Variants in MAOB observed in about 807,000 individuals in gnomAD.
The protein encoded by MAOB is amine oxidase [flavin-containing] B.
In MAOB, 15 loss-of-function variants were observed where a neutral mutation model predicts 41.9. The ratio of observed to expected loss-of-function variants is 0.36; its 90% confidence interval spans 0.24 to 0.55. MAOB has a LOEUF of 0.55. MAOB is among the 20% of genes least tolerant of loss of function. MAOB has a pLI of 0.86. For missense variants in MAOB, 345 were observed against 398.7 expected, an observed-to-expected ratio of 0.87 and a Z score of 1.15; for synonymous variants, 167 against 144.2, an observed-to-expected ratio of 1.16 and a Z score of -1.13.
chrX:43,853,132 G>T (rs1179614051), intron 1 of MAOB, among the ~76,000 whole-genome samples: 10 of 109,406 alleles, frequency 9.1e-5, no homozygotes, highest in African/African-American at 3.0e-4. Flanking sequence ...GCCAGGCGTG[G>T]TGGCAAGTGC....
chrX:43,791,506 C>T (rs182785718), intron 8 of MAOB, among the ~76,000 whole-genome samples: 78 of 111,707 alleles, frequency 7.0e-4, no homozygotes, highest in African/African-American at 2.2e-3. Context: ...GCCTGTAATC[C>T]CAGCACTTTG....
intron 8 of MAOB, among the ~76,000 whole-genome samples, chrX:43,788,437 C>T (rs890048922): frequency 1.8e-5 from 2 of 112,002 alleles, no homozygotes; most frequent in Non-Finnish European, 3.8e-5. Flanking sequence ...AAAAATTTCA[C>T]AGGTCTACCC....
chrX:43,802,250 G>A lies in MAOB; in HGVS notation c.398C>T (p.Ala133Val). 8.4e-7 allele frequency: 1 copy of A among 1,186,641 alleles called. No individual in the cohort carries two copies. Residue 133 changes from alanine to valine, a missense_variant, in exon 5 of 15, where the codon GCC (alanine) becomes GTC (valine). Physicochemically the swap from Ala to Val is moderately conservative, Grantham distance 64. Coordinates refer to ENST00000378069, the MANE Select transcript of MAOB (RefSeq NM_000898.5). Reference sequence around the variant, plus strand: ...TTCTGCAAGGGGAGCCTTCCATGGGGCATCACTCGGAATCTACATTCAGAT... The same window carrying A: ...TTCTGCAAGGGGAGCCTTCCATGGGACATCACTCGGAATCTACATTCAGAT... ...DDMGREIPSD[A>V]PWKAPLAEEW...
Position 43,769,410 on chromosome X carries a change from C to T in MAOB, c.1244G>A (p.Arg415His), listed in dbSNP as rs200811997. ...AAAGTAAATCCTGTCCACTGGCTGG[C>T]GTAGAACCCTTGGAACAAAACCAAA... ...GILTQYGRVL[R>H]QPVDRIYFAG... The change falls in exon 13 of 15, where the codon CGC becomes CAC. Residue 415 changes from arginine to histidine, a missense_variant. By Grantham distance (29) the Arg-to-His change is conservative. Transcript: ENST00000378069. The T allele has an allele frequency of 2.5e-6, 3 of 1,204,659 alleles. No homozygotes were observed. Among genetic ancestry groups the T allele is most frequent in the Non-Finnish European group, 3.4e-6 (3 of 893,251 alleles).
intron 1 of MAOB, among the ~76,000 whole-genome samples, chrX:43,857,110 TATATATAGAGAG>T (rs1303727947): frequency 1.8e-3 from 35 of 19,804 alleles, no homozygotes; most frequent in African/African-American, 4.2e-3. Context: ...TATATATATA[TATATATAGAGAG>T]AGAGAGAGAG....
intron 9 of MAOB, among the ~76,000 whole-genome samples, chrX:43,780,992 G>A (rs1031781570): frequency 7.2e-5 from 8 of 111,041 alleles, no homozygotes; most frequent in African/African-American, 1.3e-4. Context: ...CCCTTCCCAC[G>A]TGCTGGTCGT....
At chrX:43,859,581 AC>A (rs1026134641) in intron 1 of MAOB, among the ~76,000 whole-genome samples, 4 of 111,200 alleles carry the variant, frequency 3.6e-5, no homozygotes, top group African/African-American at 1.3e-4. Flanking sequence ...CTATACACAC[AC>A]CTTCACCTTT....
intron 1 of MAOB, among the ~76,000 whole-genome samples, chrX:43,881,231 G>A (rs1038940892): frequency 8.8e-6 from 1 of 113,292 alleles, no homozygotes; most frequent in Non-Finnish European, 1.9e-5. Context: ...AGGAGAGTCA[G>A]AACAACTCTG....
intron 1 of MAOB, among the ~76,000 whole-genome samples, chrX:43,855,301 G>A (rs983425529): frequency 1.2e-4 from 13 of 111,493 alleles, no homozygotes; most frequent in East Asian, 2.8e-4. Flanking sequence ...AGCCTAACCC[G>A]AAAGACTCAT....
chrX:43,793,372 T>C (rs1555958446), intron 8 of MAOB, 47 bp downstream of exon 8: 1 of 1,038,811 alleles, frequency 9.6e-7, no homozygotes, highest in East Asian at 3.3e-5. Context: ...TAGCAACAAG[T>C]TTCTTGGACC....
chrX:43,871,271 G>A (rs375391318), intron 1 of MAOB, among the ~76,000 whole-genome samples: 47 of 111,703 alleles, frequency 4.2e-4, no homozygotes, highest in African/African-American at 1.5e-3. Flanking sequence ...GGTCCTGAAG[G>A]TAGTGGGACA....
intron 8 of MAOB, among the ~76,000 whole-genome samples, chrX:43,789,190 T>A (rs2034434881): frequency 1.8e-5 from 2 of 112,441 alleles, no homozygotes; most frequent in Admixed American, 1.9e-4. Flanking sequence ...ACTTCAGACA[T>A]CATGTCGATG....
intron 10 of MAOB, among the ~76,000 whole-genome samples, 193 bp downstream of exon 10, chrX:43,780,149 T>C (rs2034310979): frequency 1.8e-5 from 2 of 111,708 alleles, no homozygotes; most frequent in South Asian, 7.6e-4. Flanking sequence ...AACAAGACCC[T>C]TATAATTAAC....
intron 1 of MAOB, among the ~76,000 whole-genome samples, chrX:43,866,119 G>T (rs1328210421): frequency 1.8e-5 from 2 of 110,534 alleles, no homozygotes; most frequent in East Asian, 2.8e-4. Flanking sequence ...CTTTATCCTG[G>T]GGGTAATGGA....
At chrX:43,784,399 G>T (rs1278349035) in intron 8 of MAOB, among the ~76,000 whole-genome samples, 3 of 112,437 alleles carry the variant, frequency 2.7e-5, no homozygotes, top group Non-Finnish European at 5.6e-5. Flanking sequence ...TCCATGGGCT[G>T]CAGAATGGAC....
chrX:43,879,102 C>A (rs1382585739), intron 1 of MAOB, among the ~76,000 whole-genome samples: 2 of 111,891 alleles, frequency 1.8e-5, no homozygotes, highest in Admixed American at 1.9e-4. Flanking sequence ...GTGCTGCTGT[C>A]CAGTTCCATG....
chrX:43,859,778 G>T lies in MAOB; in HGVS notation c.47-16014C>A, dbSNP rs758772573. 2.7e-5 allele frequency among the ~76,000 whole-genome samples: 3 copies of T among 112,096 alleles called. No homozygotes were observed. In the South Asian group the frequency reaches 1.1e-3, roughly 42 times the overall value. On this transcript the variant is annotated intron_variant, in intron 1 of 14. Transcript: ENST00000378069. ...ATCATTACCATGAGCACATGAGCAT[G>T]TTCTGGTATCTTCCATCTTCAAAAA...
intron 1 of MAOB, among the ~76,000 whole-genome samples, chrX:43,846,408 C>A (rs1569228578): frequency 1.8e-5 from 2 of 112,033 alleles, no homozygotes; most frequent in East Asian, 5.6e-4. Flanking sequence ...TGCTCATGTA[C>A]CTTAAACAAT....
chrX:43,851,863 T>C (rs753509237), intron 1 of MAOB, among the ~76,000 whole-genome samples: 1 of 111,547 alleles, frequency 9.0e-6, no homozygotes, highest in Non-Finnish European at 1.9e-5. Flanking sequence ...GAAATAAAAT[T>C]ACAAAGGAGT....
Sources: allele counts gnomAD v4.1 joint callset (sites outside exome capture counted in the v4.1 genomes callset), GRCh38; gene constraint gnomAD v4.1.1; transcripts MANE v1.5; gene names NCBI Gene and HGNC (gene_info 2026-07-23, HGNC 2026-07-21).